NPIPB15: variants seen among roughly 807,000 people sequenced by gnomAD.
The protein encoded by NPIPB15 is nuclear pore complex-interacting protein family member B15.
In NPIPB15, 5 loss-of-function variants were observed where a neutral mutation model predicts 35.9. That is an observed-to-expected ratio of 0.14 (90% CI 0.07 to 0.29). The LOEUF is 0.29. Ranked by LOEUF, NPIPB15 falls within the 10% of genes least tolerant of loss-of-function variation. The pLI, the probability that NPIPB15 is intolerant of heterozygous loss-of-function variation, is 1.00. For synonymous variants in NPIPB15, 43 were observed against 182.0 expected (o/e 0.24, Z 6.15); for missense variants, 100 against 506.1 (o/e 0.20, Z 7.70).
chr16:74,387,483 C>A (rs1200115908), intron 5 of NPIPB15, among the ~76,000 whole-genome samples: 1 of 148,878 alleles, frequency 6.7e-6, no homozygotes, highest in Non-Finnish European at 1.5e-5. Flanking sequence ...TGTTTGGTGT[C>A]CCCCATTGTT....
chr16:74,384,558 G>A (rs1444173395), intron 3 of NPIPB15, among the ~76,000 whole-genome samples: 7 of 138,092 alleles, frequency 5.1e-5, no homozygotes, highest in Admixed American at 3.2e-4. Flanking sequence ...TAGTAGAGAC[G>A]GGGTTTCACC....
At chr16:74,380,573 C>T (rs1447234519) in intron 2 of NPIPB15, among the ~76,000 whole-genome samples, 5 of 150,240 alleles carry the variant, frequency 3.3e-5, no homozygotes, top group African/African-American at 1.2e-4. Flanking sequence ...CCTGTAATCC[C>T]AGCACTTTGG....
chr16:74,381,914 C>A (rs2012017311), intron 3 of NPIPB15: 1 of 698,184 alleles, frequency 1.4e-6, no homozygotes, highest in Non-Finnish European at 2.2e-6. Context: ...GTCAACAGAG[C>A]TTTTGGTCAA....
At chr16:74,388,011 C>T (rs1453243879) in intron 5 of NPIPB15, among the ~76,000 whole-genome samples, 20 of 152,030 alleles carry the variant, frequency 1.3e-4, no homozygotes, top group Non-Finnish European at 2.1e-4. Flanking sequence ...GATGGTTTGC[C>T]GTTGTCACCT....
chr16:74,390,092 T>A, intron 7 of NPIPB15, 62 bp downstream of exon 7: 4 of 1,595,880 alleles, frequency 2.5e-6, no homozygotes, highest in Non-Finnish European at 3.4e-6. Flanking sequence ...ATGGATACAT[T>A]TTTCTCCCTA....
intron 2 of NPIPB15, chr16:74,381,258 GA>G (rs2011976080): frequency 3.3e-6 from 2 of 614,454 alleles, no homozygotes; most frequent in Admixed American, 3.3e-5. Context: ...GCAGGGAAGT[GA>G]AAAGATTGGA....
chr16:74,377,467 G>A (rs3929018), intron 1 of NPIPB15, among the ~76,000 whole-genome samples, 121 bp downstream of exon 1: 29,478 of 141,050 alleles, frequency 0.21, 1,505 homozygotes, highest in Admixed American at 0.31. Context: ...GCACCACCGG[G>A]GTCATCAGGG....
intron 5 of NPIPB15, among the ~76,000 whole-genome samples, chr16:74,387,238 T>C (rs967305488): frequency 6.7e-6 from 1 of 150,264 alleles, no homozygotes; most frequent in Non-Finnish European, 1.5e-5. Flanking sequence ...GTCGCTTTCA[T>C]TGGCAGACCC....
intron 5 of NPIPB15, among the ~76,000 whole-genome samples, chr16:74,386,283 C>A (rs71226844): frequency 8.6e-6 from 1 of 116,522 alleles, no homozygotes; most frequent in Non-Finnish European, 1.7e-5. Context: ...CCACACCCAG[C>A]CTTTTTTTTT....
chr16:74,378,423 C>CTTTTTTTTT (rs1002146100), intron 2 of NPIPB15, among the ~76,000 whole-genome samples: 1 of 86,124 alleles, frequency 1.2e-5, no homozygotes, highest in Non-Finnish European at 2.1e-5. Context: ...GGTTTGATGC[C>CTTTTTTTTT]TTTTTTTTTT....
chr16:74,379,585 AT>A (rs547124371), intron 2 of NPIPB15, among the ~76,000 whole-genome samples: 7,379 of 123,902 alleles, frequency 0.06, 66 homozygotes, highest in Admixed American at 0.098. Flanking sequence ...CACCTTGGTA[AT>A]TTTTTTTTTT....
rs759126002 is a variant in NPIPB15 at position 74,391,496 on chromosome 16, C to A, written c.748C>A (p.Pro250Thr). ...CAGGATGGGCCGCCAGCCACCTCCT[C>A]CAACTCAACAACATTCTATAACTGA... ...KNRMGRQPPP[P>T]TQQHSITDNS... Residue 250 changes from proline to threonine, a missense_variant, in exon 8 of 8, where the codon CCA becomes ACA. By Grantham distance (38) the Pro-to-Thr change is conservative (BLOSUM62 -1). Coordinates refer to ENST00000692376, the MANE Select transcript of NPIPB15 (RefSeq NM_001306094.2). The A allele has an allele frequency of 5.0e-6, 8 of 1,613,970 alleles. No individual in the cohort carries two copies. The Admixed American group carries it at 1.3e-4, about 27-fold the overall frequency.
chr16:74,378,496 G>A (rs1487155988), intron 2 of NPIPB15, among the ~76,000 whole-genome samples: 4 of 133,778 alleles, frequency 3.0e-5, no homozygotes, highest in Non-Finnish European at 4.6e-5. Context: ...GCAAGATCTC[G>A]GCTCACTGCA....
At position 74,376,493 on chromosome 16, in the gene NPIPB15, A is replaced by G. The variant is rs2011671126; in HGVS notation, c.-876A>G. 1.3e-5 allele frequency among the ~76,000 whole-genome samples: 2 copies of G among 149,486 alleles called. No homozygotes were observed. Among genetic ancestry groups the G allele is most frequent in the South Asian group, 4.2e-4 (2 of 4,726 alleles). On this transcript the variant is annotated 5_prime_UTR_variant, in exon 1 of 8. Coordinates refer to ENST00000692376, the MANE Select transcript of NPIPB15 (RefSeq NM_001306094.2). ...CATGATGCTGCCAAGCCCTCTGGGT[A>G]TTGTGGGCAAATACCTTAGGAGAGA...
Position 74,379,118 on chromosome 16 carries a change from T to G in NPIPB15, c.66+1079T>G, listed in dbSNP as rs1184748531. On this transcript the variant is annotated intron_variant, in intron 2 of 7. Coordinates refer to ENST00000692376, the MANE Select transcript of NPIPB15 (RefSeq NM_001306094.2). ...CCCAGCCAAGATCTACACTATTATG[T>G]CACCCCAGAAAGTGAACTCCCACTC... Among the ~76,000 whole-genome samples, 3 of 152,266 alleles carry G rather than the reference T, an allele frequency of 2.0e-5. No homozygotes were observed. The East Asian group carries it at 5.8e-4, about 29-fold the overall frequency.
In NPIPB15 at chr16:74,376,698, T is replaced by A. The variant is rs555210465; in HGVS notation, c.-671T>A. ...TCACTCGGTTTCAGATGTTAAAATG[T>A]CTAGGTGGGTTAGGGGTGATTTGAG... is the stretch of plus-strand genomic sequence containing the variant. On this transcript the variant is annotated 5_prime_UTR_variant, in exon 1 of 8. The change creates a premature stop within an existing upstream ORF in the 5' untranslated region. Coordinates refer to ENST00000692376, the MANE Select transcript of NPIPB15 (RefSeq NM_001306094.2). 1.2e-4 allele frequency among the ~76,000 whole-genome samples: 19 copies of A among 152,218 alleles called. No homozygotes were observed. In the East Asian group the frequency reaches 3.3e-3, roughly 26 times the overall value.
rs1371458729 is a variant in NPIPB15 at position 74,382,897 on chromosome 16, T to G, written c.249+1199T>G. On this transcript the variant is annotated intron_variant, in intron 3 of 7. Coordinates refer to ENST00000692376, the MANE Select transcript of NPIPB15 (RefSeq NM_001306094.2). ...TGAACAGAGAATTTTTGGTATAAAT[T>G]GGAGGAAGCTTTTTTTTTTTTTTTT... Among the ~76,000 whole-genome samples the G allele has an allele frequency of 7.4e-4, 110 of 148,926 alleles. No homozygotes were observed. In the East Asian group the frequency reaches 0.016, roughly 22 times the overall value.
At chr16:74,378,621 C>T (rs2011811590) in intron 2 of NPIPB15, among the ~76,000 whole-genome samples, 2 of 149,410 alleles carry the variant, frequency 1.3e-5, no homozygotes, top group African/African-American at 4.9e-5. Flanking sequence ...ACCATGTTCG[C>T]CAGGATAGTC....
At chr16:74,382,902 G>A (rs1009928375) in intron 3 of NPIPB15, among the ~76,000 whole-genome samples, 1 of 145,686 alleles carries the variant, frequency 6.9e-6, no homozygotes, top group Non-Finnish European at 1.5e-5. Context: ...TAAATTGGAG[G>A]AAGCTTTTTT....
Sources: gnomAD v4.1 joint callset for allele counts (sites outside exome capture counted in the v4.1 genomes callset) on GRCh38, gnomAD v4.1.1 for gene constraint, MANE v1.5 for transcripts, NCBI Gene and HGNC (gene_info 2026-07-23, HGNC 2026-07-21) for gene names.